The following TNIP3 variants were observed in gnomAD, a reference collection of about 807,000 sequenced individuals.
TNIP3 encodes TNFAIP3 interacting protein 3.
A neutral mutation model predicts 54.1 loss-of-function variants in TNIP3; 34 were observed. The observed-to-expected ratio is 0.63, with a 90% CI of 0.48 to 0.84. TNIP3 has a LOEUF of 0.84. Ranked by LOEUF, TNIP3 falls within the 40% of genes least tolerant of loss-of-function variation. The pLI is 0.00. For synonymous variants in TNIP3, 134 were observed against 136.8 expected (o/e 0.98, Z 0.14); for missense variants, 366 against 387.6 (o/e 0.94, Z 0.47).
chr4:121,212,310 TC>T (rs1726517467), intron 2 of TNIP3, among the ~76,000 whole-genome samples: 2 of 152,180 alleles, frequency 1.3e-5, no homozygotes, highest in Non-Finnish European at 2.9e-5. Context: ...GCACAAGTTG[TC>T]CCAAAGCTCC....
chr4:121,213,680 T>A (rs1579504353), intron 2 of TNIP3, among the ~76,000 whole-genome samples: 2 of 149,422 alleles, frequency 1.3e-5, no homozygotes, highest in East Asian at 3.9e-4. Flanking sequence ...TGAGTCGAGA[T>A]CGTGCCACTG....
chr4:121,187,186 AAAAC>A (rs958190768), intron 2 of TNIP3, among the ~76,000 whole-genome samples: 7 of 152,178 alleles, frequency 4.6e-5, no homozygotes, highest in South Asian at 2.1e-4. Context: ...ACCTGAGGGT[AAAAC>A]AAACAAACAA....
chr4:121,199,726 C>A (rs566265594), intron 2 of TNIP3, among the ~76,000 whole-genome samples: 1 of 152,164 alleles, frequency 6.6e-6, no homozygotes, highest in Non-Finnish European at 1.5e-5. Context: ...TTCACAATGC[C>A]CAGAATAGAG....
chr4:121,169,896 T>C (rs1730976121), intron 3 of TNIP3, among the ~76,000 whole-genome samples: 1 of 152,222 alleles, frequency 6.6e-6, no homozygotes, highest in South Asian at 2.1e-4. Context: ...CAGTCTGTCT[T>C]GATTATATAC....
intron 3 of TNIP3, among the ~76,000 whole-genome samples, chr4:121,175,846 T>C (rs1288804536): frequency 1.3e-5 from 2 of 152,220 alleles, no homozygotes; most frequent in African/African-American, 4.8e-5. Context: ...TTTAATTATT[T>C]TGTGTTAGGA....
chr4:121,187,008 GA>G (rs1725056512), intron 2 of TNIP3, among the ~76,000 whole-genome samples: 1 of 152,098 alleles, frequency 6.6e-6, no homozygotes, highest in African/African-American at 2.4e-5. Flanking sequence ...ATTTGACCTA[GA>G]TTTATTTCAC....
chr4:121,206,538 T>TTGTGTGTGTG (rs140121953), intron 2 of TNIP3, among the ~76,000 whole-genome samples: 1 of 151,470 alleles, frequency 6.6e-6, no homozygotes, highest in Non-Finnish European at 1.5e-5. Flanking sequence ...TTTGTATATA[T>TTGTGTGTGTG]TGTGTGTGTG....
At chr4:121,207,097 T>C (rs532542809) in intron 2 of TNIP3, among the ~76,000 whole-genome samples, 11 of 152,310 alleles carry the variant, frequency 7.2e-5, no homozygotes, top group Admixed American at 1.3e-4. Context: ...GAAAATATAG[T>C]ATGTGTGATC....
upstream of TNIP3, among the ~76,000 whole-genome samples, chr4:121,218,897 A>T (rs564034766): frequency 6.6e-6 from 1 of 152,266 alleles, no homozygotes; most frequent in African/African-American, 2.4e-5. Flanking sequence ...CAAAAGATTT[A>T]CAATTAAAAA....
chr4:121,147,028 T>A (rs753875737), intron 7 of TNIP3, 21 bp downstream of exon 7: 1 of 1,594,458 alleles, frequency 6.3e-7, no homozygotes, highest in Non-Finnish European at 8.5e-7. Context: ...CTGGCAAAGA[T>A]TATTTTGTTT....
chr4:121,173,913 G>C (rs940743497), intron 3 of TNIP3, among the ~76,000 whole-genome samples: 3 of 152,206 alleles, frequency 2.0e-5, no homozygotes, highest in African/African-American at 7.2e-5. Flanking sequence ...TTACAGGCGT[G>C]AGCCATTGCA....
intron 2 of TNIP3, among the ~76,000 whole-genome samples, chr4:121,213,726 C>CAAA (rs34477589): frequency 0.047 from 4,248 of 91,340 alleles, 234 homozygotes; most frequent in African/African-American, 0.15. Flanking sequence ...GACTCCGTCT[C>CAAA]AAAAAAAAAA....
chr4:121,166,515 G>C (rs542382487), upstream of TNIP3, among the ~76,000 whole-genome samples: 4 of 152,188 alleles, frequency 2.6e-5, no homozygotes, highest in Non-Finnish European at 5.9e-5. Flanking sequence ...AGAAACAGAG[G>C]TGTCATTCCA....
chr4:121,157,073 G>C, intron 4 of TNIP3, 21 bp downstream of exon 4: 2 of 1,613,190 alleles, frequency 1.2e-6, no homozygotes, highest in Non-Finnish European at 1.7e-6. Context: ...CTCCGGGCTC[G>C]AGGACCCGGG....
chr4:121,215,880 TAA>T (rs70948385), intron 2 of TNIP3, among the ~76,000 whole-genome samples: 1,459 of 133,660 alleles, frequency 0.011, 27 homozygotes, highest in African/African-American at 0.036. Context: ...GGTGCCACAT[TAA>T]AAAAAAAAAA....
At chr4:121,182,008 A>G (rs1284388098) in intron 3 of TNIP3, among the ~76,000 whole-genome samples, 1 of 152,178 alleles carries the variant, frequency 6.6e-6, no homozygotes, top group East Asian at 1.9e-4. Context: ...AATGCCAGCC[A>G]TGCTCTCAAA....
chr4:121,136,297 T>G (rs1284188586), intron 10 of TNIP3, among the ~76,000 whole-genome samples: 1 of 152,158 alleles, frequency 6.6e-6, no homozygotes, highest in Non-Finnish European at 1.5e-5. Context: ...AGAGTCCCCT[T>G]CTCATTTTTG....
intron 3 of TNIP3, among the ~76,000 whole-genome samples, chr4:121,172,012 C>T (rs1723988665): frequency 6.6e-6 from 1 of 152,178 alleles, no homozygotes; most frequent in Non-Finnish European, 1.5e-5. Flanking sequence ...GGATTACAGG[C>T]ATGAGCCACC....
At chr4:121,165,634 C>G (rs962807693), upstream of TNIP3, among the ~76,000 whole-genome samples, 7 of 151,062 alleles carry the variant, frequency 4.6e-5, no homozygotes, top group Non-Finnish European at 1.0e-4. Context: ...TAATGATTTA[C>G]AAAATCGATG....
Sources: allele counts gnomAD v4.1 joint callset (sites outside exome capture counted in the v4.1 genomes callset), GRCh38; gene constraint gnomAD v4.1.1; transcripts MANE v1.5; gene names NCBI Gene and HGNC (gene_info 2026-07-23, HGNC 2026-07-21).